KIF6: variants seen among roughly 807,000 people sequenced by gnomAD.
KIF6 encodes kinesin-like protein KIF6.
A neutral mutation model predicts 112.7 loss-of-function variants in KIF6; 106 were observed. That is an observed-to-expected ratio of 0.94 (90% CI 0.80 to 1.11). KIF6 has a LOEUF of 1.11. Among genes scored for constraint, KIF6 ranks in the 50% least tolerant of loss-of-function variants. The pLI is 0.00. For synonymous variants in KIF6, 339 were observed against 339.9 expected, an observed-to-expected ratio of 1.00 and a Z score of 0.03; for missense variants, 929 against 964.0, an observed-to-expected ratio of 0.96 and a Z score of 0.48.
chr6:39,678,772 T>C (rs980457118), intron 3 of KIF6, among the ~76,000 whole-genome samples: 1 of 152,210 alleles, frequency 6.6e-6, no homozygotes, highest in Admixed American at 6.5e-5. Flanking sequence ...ACTGTTGAGT[T>C]TGAAAGATGA....
chr6:39,596,836 G>A (rs1782298477), intron 6 of KIF6, among the ~76,000 whole-genome samples: 1 of 152,126 alleles, frequency 6.6e-6, no homozygotes, highest in South Asian at 2.1e-4. Flanking sequence ...AAATGCAAGA[G>A]CATCTCCAAA....
chr6:39,583,314 C>T (rs1251459477), intron 9 of KIF6: 1 of 452,670 alleles, frequency 2.2e-6, no homozygotes, highest in African/African-American at 2.0e-5. Context: ...CAAAATCCAC[C>T]CTAGCAGTTC....
In KIF6 at chr6:39,622,691, A is replaced by G. The variant is rs191044529; in HGVS notation, c.510-9373T>C. On this transcript the variant is annotated intron_variant, in intron 5 of 22. Coordinates refer to ENST00000287152, the MANE Select transcript of KIF6 (RefSeq NM_145027.6). Reference sequence around the variant, plus strand: ...GATTCTCTTGCAACTAAGGCTGCCCATATCACAAAATTCTGGTCAGTGACA... The same window carrying G: ...GATTCTCTTGCAACTAAGGCTGCCCGTATCACAAAATTCTGGTCAGTGACA... Among the ~76,000 whole-genome samples the G allele has an allele frequency of 1.8e-3, 280 of 152,348 alleles. 1 individual carries two copies. Among genetic ancestry groups the G allele is most frequent in the African/African-American group, 6.2e-3 (257 of 41,586 alleles).
At position 39,646,493 on chromosome 6, in the gene KIF6, A is replaced by G. The variant is rs575360524; in HGVS notation, c.252-6736T>C. ...GGACTTAGAGAACTGGGCAGGGCTG[A>G]TTTCATTTTTGAGAGGGGAGGGGCA... On this transcript the variant is annotated intron_variant, in intron 3 of 22. Coordinates refer to ENST00000287152, the MANE Select transcript of KIF6 (RefSeq NM_145027.6). Among the ~76,000 whole-genome samples the G allele has an allele frequency of 1.2e-4, 18 of 152,284 alleles. No individual in the cohort carries two copies. In the South Asian group the frequency reaches 3.3e-3, roughly 28 times the overall value.
At chr6:39,521,551 G>T (rs1441658531) in intron 13 of KIF6, among the ~76,000 whole-genome samples, 1 of 152,164 alleles carries the variant, frequency 6.6e-6, no homozygotes, top group Non-Finnish European at 1.5e-5. Context: ...GTTGTCAAGA[G>T]ATGAGTATGT....
At chr6:39,466,215 A>G (rs1208202055) in intron 13 of KIF6, among the ~76,000 whole-genome samples, 1 of 152,198 alleles carries the variant, frequency 6.6e-6, no homozygotes, top group East Asian at 1.9e-4. Context: ...TGTAACAACA[A>G]GGCCAACTTT....
chr6:39,651,047 T>C (rs1785440957), intron 3 of KIF6, among the ~76,000 whole-genome samples: 1 of 152,178 alleles, frequency 6.6e-6, no homozygotes. Context: ...TGTATAACCT[T>C]CTAATTTACA....
rs1041879454 is a variant in KIF6, at chr6:39,333,458, T to C, written c.*3074A>G. 3 of 152,200 alleles carry C rather than the reference T, an allele frequency of 2.0e-5. No individual in the cohort carries two copies. Among genetic ancestry groups the C allele is most frequent in the Non-Finnish European group, 2.9e-5 (2 of 68,062 alleles). 9.4% of individuals were successfully genotyped at this position (152,200 alleles called of 1,614,324 possible). A position where few individuals can be genotyped will look rare whatever the true frequency, so the allele number is the denominator to read the frequency against. On this transcript the variant is annotated 3_prime_UTR_variant, in exon 23 of 23. Transcript: ENST00000287152. ...GGCTGTAGACTGGGCTCAGGTCTGC[T>C]CTCTGGATGTTCCAGGCTGAAGGGG... is the stretch of plus-strand genomic sequence containing the variant.
intron 14 of KIF6, among the ~76,000 whole-genome samples, chr6:39,429,749 A>G (rs1771012785): frequency 6.6e-6 from 1 of 152,160 alleles, no homozygotes; most frequent in African/African-American, 2.4e-5. Context: ...TCTACTAAAA[A>G]TACAAAAAAT....
intron 16 of KIF6, among the ~76,000 whole-genome samples, chr6:39,375,656 C>T (rs1187372259): frequency 6.6e-6 from 1 of 152,152 alleles, no homozygotes; most frequent in Non-Finnish European, 1.5e-5. Context: ...TGCCCTGGTT[C>T]CCAGGCCTGC....
At chr6:39,507,729 T>C (rs1776523253) in intron 13 of KIF6, among the ~76,000 whole-genome samples, 1 of 139,328 alleles carries the variant, frequency 7.2e-6, no homozygotes, top group Non-Finnish European at 1.6e-5. Context: ...CCTCCCTTCC[T>C]TCCCTCCTTC....
At chr6:39,539,916 C>T (rs926331195) in intron 13 of KIF6, 87 bp downstream of exon 13, 1 of 926,058 alleles carries the variant, frequency 1.1e-6, no homozygotes, top group Admixed American at 2.6e-5. Context: ...GAAATTGAGC[C>T]TTCATCCTGA....
At chr6:39,538,235 G>A (rs558696765) in intron 13 of KIF6, among the ~76,000 whole-genome samples, 78 of 151,470 alleles carry the variant, frequency 5.1e-4, no homozygotes, top group African/African-American at 1.8e-3. Flanking sequence ...TTAAACTAAA[G>A]AGCTTCTGCA....
At chr6:39,617,215 T>C (rs1003288834) in intron 5 of KIF6, among the ~76,000 whole-genome samples, 3 of 152,236 alleles carry the variant, frequency 2.0e-5, no homozygotes, top group African/African-American at 7.2e-5. Context: ...GCCTGCTTAA[T>C]GATGGGGAAG....
At chr6:39,552,526 TC>T (rs1937876414) in intron 10 of KIF6, among the ~76,000 whole-genome samples, 3 of 152,190 alleles carry the variant, frequency 2.0e-5, no homozygotes, top group Admixed American at 6.5e-5. Flanking sequence ...TGAAAACAAT[TC>T]TTTTGACTCA....
chr6:39,679,860 G>A (rs530901894), intron 3 of KIF6, among the ~76,000 whole-genome samples: 78 of 151,354 alleles, frequency 5.2e-4, no homozygotes, highest in Middle Eastern at 3.4e-3. Context: ...CTCGTGATCC[G>A]CCCACCTCAG....
At chr6:39,696,733 T>C (rs1233966844) in intron 3 of KIF6, among the ~76,000 whole-genome samples, 1 of 151,954 alleles carries the variant, frequency 6.6e-6, no homozygotes, top group Non-Finnish European at 1.5e-5. Flanking sequence ...AGATATTGTG[T>C]ATGTCTGTGT....
intron 3 of KIF6, among the ~76,000 whole-genome samples, chr6:39,658,815 C>T (rs774599975): frequency 1.2e-4 from 19 of 152,148 alleles, no homozygotes; most frequent in Non-Finnish European, 2.4e-4. Flanking sequence ...GGCAGTTAGC[C>T]AACATGGTGT....
At chr6:39,501,780 GA>G (rs1255627248) in intron 13 of KIF6, among the ~76,000 whole-genome samples, 1 of 151,976 alleles carries the variant, frequency 6.6e-6, no homozygotes, top group Non-Finnish European at 1.5e-5. Flanking sequence ...CAAGAATGGA[GA>G]AAAAAAGAAT....
Sources: gnomAD v4.1 joint callset for allele counts (sites outside exome capture counted in the v4.1 genomes callset) on GRCh38, gnomAD v4.1.1 for gene constraint, MANE v1.5 for transcripts, NCBI Gene and HGNC (gene_info 2026-07-23, HGNC 2026-07-21) for gene names.